The following PRUNE2 variants were observed in gnomAD, a reference collection of about 807,000 sequenced individuals.
The protein encoded by PRUNE2 is prune homolog 2 with BCH domain, also known as protein prune homolog 2.
PRUNE2 carries 164 observed loss-of-function variants against 252.0 expected under a neutral mutation model. The observed-to-expected ratio is 0.65, with a 90% CI of 0.57 to 0.74. The LOEUF (loss-of-function observed/expected upper bound fraction) is 0.74, where lower values mean the gene tolerates loss of function less well. Among genes scored for constraint, PRUNE2 ranks in the 30% least tolerant of loss-of-function variants. The pLI, the probability that PRUNE2 is intolerant of heterozygous loss-of-function variation, is 0.00. For synonymous variants in PRUNE2, 1,292 were observed against 1,350.2 expected (o/e 0.96, Z 0.94); for missense variants, 3,495 against 3,711.0 (o/e 0.94, Z 1.51).
At chr9:76,842,317 T>TA (rs2132373002) in intron 4 of PRUNE2, among the ~76,000 whole-genome samples, 2 of 152,312 alleles carry the variant, frequency 1.3e-5, no homozygotes, top group South Asian at 4.1e-4. Flanking sequence ...ACCCTTTCCT[T>TA]ACACCTTACA....
intron 9 of PRUNE2, among the ~76,000 whole-genome samples, chr9:76,693,425 T>C (rs1191827939): frequency 7.2e-6 from 1 of 139,164 alleles, no homozygotes; most frequent in Non-Finnish European, 1.5e-5. Flanking sequence ...GCTTAAGAGA[T>C]GTTAGCACCT....
At chr9:76,701,949 A>C (rs1313708132) in intron 9 of PRUNE2, among the ~76,000 whole-genome samples, 1 of 152,196 alleles carries the variant, frequency 6.6e-6, no homozygotes, top group Non-Finnish European at 1.5e-5. Flanking sequence ...TAAAATGTAT[A>C]ATCAGTCATG....
chr9:76,874,839 T>C (rs1211151446), intron 1 of PRUNE2, among the ~76,000 whole-genome samples: 1 of 151,748 alleles, frequency 6.6e-6, no homozygotes, highest in African/African-American at 2.4e-5. Flanking sequence ...TGAGATGAGA[T>C]CAAAAGTGGG....
chr9:76,754,340 C>T (rs1222216885), intron 6 of PRUNE2, among the ~76,000 whole-genome samples: 5 of 152,134 alleles, frequency 3.3e-5, no homozygotes, highest in East Asian at 3.9e-4. Context: ...TTGATTTTGC[C>T]GTCTGACACA....
At chr9:76,828,120 T>C (rs1291793353) in intron 4 of PRUNE2, among the ~76,000 whole-genome samples, 2 of 152,116 alleles carry the variant, frequency 1.3e-5, no homozygotes, top group African/African-American at 4.8e-5. Context: ...GTGAAATACA[T>C]AGTACTCTGA....
intron 6 of PRUNE2, among the ~76,000 whole-genome samples, chr9:76,793,904 A>G (rs1316910525): frequency 6.6e-5 from 10 of 152,176 alleles, no homozygotes; most frequent in Admixed American, 5.9e-4. Context: ...ATTTCAGCAA[A>G]TCTGATATTT....
intron 13 of PRUNE2, among the ~76,000 whole-genome samples, chr9:76,637,981 T>A (rs1297281408): frequency 6.6e-6 from 1 of 152,262 alleles, no homozygotes; most frequent in Non-Finnish European, 1.5e-5. Context: ...TCTGTTCATC[T>A]TGGTTTCAGT....
chr9:76,779,057 T>G (rs1188888896), intron 6 of PRUNE2: 1 of 152,230 alleles, frequency 6.6e-6, no homozygotes, highest in Admixed American at 6.5e-5. Flanking sequence ...TTATCTCACC[T>G]TTGAAGATAC....
chr9:76,619,553 T>G (rs777504941), intron 17 of PRUNE2, among the ~76,000 whole-genome samples, 166 bp from the exon 18 acceptor site: 3 of 152,226 alleles, frequency 2.0e-5, no homozygotes, highest in Admixed American at 6.5e-5. Flanking sequence ...ACCCTTACCA[T>G]TGGTTTTGAA....
chr9:76,706,203 G>A lies in PRUNE2; in HGVS notation c.6071C>T (p.Pro2024Leu), dbSNP rs370944528. 19 of 1,613,746 alleles carry A rather than the reference G, an allele frequency of 1.2e-5. No homozygotes were observed. Among genetic ancestry groups the A allele is most frequent in the Admixed American group, 6.7e-5 (4 of 59,984 alleles). Reference sequence around the variant, plus strand: ...GCCTGGCTTCATTATCAGTTGGGTGGGAGAACTGACAGCAGGAAAATTTTC... The same window carrying A: ...GCCTGGCTTCATTATCAGTTGGGTGAGAGAACTGACAGCAGGAAAATTTTC... Reference protein sequence around the residue: ...ATENFPAVSSPTQLIMKPGSE... With the variant: ...ATENFPAVSSLTQLIMKPGSE... Residue 2024 changes from proline to leucine, a missense_variant, in exon 8 of 19, where the codon CCC (proline) becomes CTC (leucine). Physicochemically the swap from Pro to Leu is moderately conservative, Grantham distance 98. Coordinates refer to ENST00000376718, the MANE Select transcript of PRUNE2 (RefSeq NM_015225.3).
intron 2 of PRUNE2, 140 bp downstream of exon 2, chr9:76,853,964 G>T: frequency 2.1e-6 from 1 of 468,328 alleles, no homozygotes; most frequent in Non-Finnish European, 3.8e-6. Context: ...ATTCATGGAT[G>T]ATAATACTTT....
chr9:76,641,867 A>C (rs1842727977), intron 12 of PRUNE2: 1 of 1,332,326 alleles, frequency 7.5e-7, no homozygotes, highest in South Asian at 1.4e-5. Flanking sequence ...AGAAGGAAAG[A>C]TGTCACAGTC....
chr9:76,657,756 T>A (rs1849778828), intron 9 of PRUNE2, among the ~76,000 whole-genome samples: 1 of 152,264 alleles, frequency 6.6e-6, no homozygotes, highest in Non-Finnish European at 1.5e-5. Context: ...AGCAGTGGTT[T>A]AATTAAAGTA....
intron 15 of PRUNE2, among the ~76,000 whole-genome samples, chr9:76,632,052 G>A (rs1469308655): frequency 6.6e-6 from 1 of 152,144 alleles, no homozygotes; most frequent in African/African-American, 2.4e-5. Flanking sequence ...ACTGTTAATG[G>A]GCATCTAGGT....
At chr9:76,743,703 A>G (rs1269103030) in intron 6 of PRUNE2, among the ~76,000 whole-genome samples, 1 of 152,266 alleles carries the variant, frequency 6.6e-6, no homozygotes, top group Non-Finnish European at 1.5e-5. Context: ...TGTGTATACT[A>G]TGATTCTATT....
intron 15 of PRUNE2, among the ~76,000 whole-genome samples, chr9:76,632,969 C>T (rs1402293264): frequency 1.3e-5 from 2 of 152,136 alleles, no homozygotes; most frequent in Non-Finnish European, 2.9e-5. Context: ...TACCTGTAGT[C>T]CCAGCACTTT....
intron 9 of PRUNE2, among the ~76,000 whole-genome samples, chr9:76,698,303 T>C (rs1033320669): frequency 4.4e-4 from 67 of 152,268 alleles, no homozygotes; most frequent in African/African-American, 1.5e-3. Flanking sequence ...CGCTTTGGCC[T>C]CCCGAAGTGC....
intron 4 of PRUNE2, among the ~76,000 whole-genome samples, chr9:76,838,252 A>AGATG (rs2059172998): frequency 1.3e-5 from 2 of 151,646 alleles, no homozygotes; most frequent in Admixed American, 1.3e-4. Flanking sequence ...TAAAATAGAT[A>AGATG]GATAAACCTA....
rs1034888378 is a variant in PRUNE2 at position 76,716,571 on chromosome 9, C to T, written c.757-2850G>A. ...CCCCTTAGGGTGTGCGTTTCTGGGCCGATTTGCTACAGGTTCTCATTTAGC... is the reference window on the plus strand; with the variant it reads ...CCCCTTAGGGTGTGCGTTTCTGGGCTGATTTGCTACAGGTTCTCATTTAGC... On this transcript the variant is annotated intron_variant, in intron 6 of 18. Transcript: ENST00000376718. 2.6e-5 allele frequency among the ~76,000 whole-genome samples: 4 copies of T among 152,262 alleles called. No individual in the cohort carries two copies. The South Asian group carries it at 8.3e-4, about 32-fold the overall frequency.
Sources: gnomAD v4.1 joint callset for allele counts (sites outside exome capture counted in the v4.1 genomes callset) on GRCh38, gnomAD v4.1.1 for gene constraint, MANE v1.5 for transcripts, NCBI Gene and HGNC (gene_info 2026-07-23, HGNC 2026-07-21) for gene names.